RASAL2: variants seen among roughly 807,000 people sequenced by gnomAD.
RASAL2 encodes the protein RAS protein activator like 2.
RASAL2 carries 58 observed loss-of-function variants against 128.9 expected under a neutral mutation model. The ratio of observed to expected loss-of-function variants is 0.45; its 90% CI spans 0.36 to 0.56. RASAL2 has a LOEUF of 0.56. Among genes scored for constraint, RASAL2 ranks in the 20% least tolerant of loss-of-function variants. The pLI, the probability that RASAL2 is intolerant of heterozygous loss-of-function variation, is 0.00. For synonymous variants in RASAL2, 561 were observed against 580.8 expected (o/e 0.97, Z 0.49); for missense variants, 1,360 against 1,601.6 (o/e 0.85, Z 2.57).
intron 1 of RASAL2, among the ~76,000 whole-genome samples, chr1:178,160,587 A>T (rs1202329608): frequency 6.6e-6 from 1 of 152,228 alleles, no homozygotes; most frequent in African/African-American, 2.4e-5. Flanking sequence ...GTGAGCCGAG[A>T]TCGCACCACT....
chr1:178,458,257 CA>C lies in RASAL2; in HGVS notation c.2966del (p.His989ProfsTer31). 1 of 1,614,248 alleles carries C rather than the reference CA, an allele frequency of 6.2e-7. No homozygotes were observed. Among genetic ancestry groups the C allele is most frequent in the Non-Finnish European group, 8.5e-7 (1 of 1,180,046 alleles). On this transcript the variant is annotated frameshift_variant, in exon 14 of 18. Coordinates refer to ENST00000367649, the MANE Select transcript of RASAL2 (RefSeq NM_170692.4). LOFTEE classifies it high-confidence loss of function. ...STQSEDFSRR[H>X]TVPDRHIPLA... ...TCAGAGTGAGGACTTCTCCAGGCGG[CA>C]CACGGTGCCAGATAGACACATACCT...
At chr1:178,409,932 G>C (rs983338914) in intron 4 of RASAL2, among the ~76,000 whole-genome samples, 2 of 152,166 alleles carry the variant, frequency 1.3e-5, no homozygotes, top group African/African-American at 4.8e-5. Context: ...GTTTCATCCG[G>C]TACAGCTATG....
At chr1:178,317,144 A>T (rs1423610132) in intron 3 of RASAL2, among the ~76,000 whole-genome samples, 1 of 129,680 alleles carries the variant, frequency 7.7e-6, no homozygotes, top group East Asian at 2.0e-4. Flanking sequence ...GATGAAGCCC[A>T]CTTGATCATG....
intron 3 of RASAL2, among the ~76,000 whole-genome samples, chr1:178,338,537 A>G (rs1669707551): frequency 1.3e-5 from 2 of 152,206 alleles, no homozygotes; most frequent in African/African-American, 2.4e-5. Context: ...TACATTATCT[A>G]CATTCTTCAA....
At chr1:178,457,356 T>C (rs1178983842) in intron 13 of RASAL2, among the ~76,000 whole-genome samples, 1 of 152,220 alleles carries the variant, frequency 6.6e-6, no homozygotes, top group Non-Finnish European at 1.5e-5. Context: ...ACTTCTTCTC[T>C]TGAAGGTTTA....
intron 3 of RASAL2, among the ~76,000 whole-genome samples, chr1:178,339,638 A>T (rs1236314219): frequency 6.6e-6 from 1 of 152,136 alleles, no homozygotes; most frequent in Non-Finnish European, 1.5e-5. Flanking sequence ...TTCATTTTGG[A>T]TAGGTGAGGC....
rs182791333 is a variant in RASAL2 at position 178,418,361 on chromosome 1, C to A, written c.565-2150C>A. On this transcript the variant is annotated intron_variant, in intron 4 of 17. Transcript: ENST00000367649. Reference sequence around the variant, plus strand: ...TAAGGAAAAGAAAATATACTATTTACTATTCATTAGGTGGAAGTGAATCAT... The same window carrying A: ...TAAGGAAAAGAAAATATACTATTTAATATTCATTAGGTGGAAGTGAATCAT... Among the ~76,000 whole-genome samples, 640 of 152,250 alleles carry A rather than the reference C, an allele frequency of 4.2e-3. 6 individuals carry two copies. Among genetic ancestry groups the A allele is most frequent in the Non-Finnish European group, 3.9e-3 (266 of 68,012 alleles).
intron 1 of RASAL2, among the ~76,000 whole-genome samples, chr1:178,276,485 G>A (rs896362835): frequency 2.0e-5 from 3 of 151,806 alleles, no homozygotes; most frequent in Non-Finnish European, 2.9e-5. Context: ...GCAGTATATT[G>A]TGGACTACTC....
At chr1:178,380,684 C>A (rs888886741) in intron 3 of RASAL2, among the ~76,000 whole-genome samples, 2 of 152,084 alleles carry the variant, frequency 1.3e-5, no homozygotes, top group African/African-American at 2.4e-5. Context: ...ATAATCCCTG[C>A]AGACAAGCAA....
At chr1:178,277,840 TAG>T (rs1666598162) in intron 1 of RASAL2, among the ~76,000 whole-genome samples, 1 of 152,182 alleles carries the variant, frequency 6.6e-6, no homozygotes, top group African/African-American at 2.4e-5. Flanking sequence ...AATGAAACAT[TAG>T]AGTTTGTATT....
chr1:178,300,027 T>C lies in RASAL2; in HGVS notation c.366T>C (p.Asp122=). 1 of 1,614,012 alleles carries C rather than the reference T, an allele frequency of 6.2e-7. No individual in the cohort carries two copies. Among genetic ancestry groups the C allele is most frequent in the Non-Finnish European group, 8.5e-7 (1 of 1,179,946 alleles). ...PVEGGQEQQT[D]STKGRCLRRT... ...AAGGGGGACAGGAGCAGCAGACAGA[T>C]TCCACCAAAGGGCGATGCCTGAGGA... The change falls in exon 3 of 18, where the codon GAT becomes GAC. Residue 122 remains aspartate, a synonymous_variant. Transcript: ENST00000367649.
chr1:178,473,953 C>T lies in RASAL2; in HGVS notation c.*714C>T, dbSNP rs1413982508. ...GAACTCCTGTCAATATGTTTATTTCCTCTGTCTACAGCAGATGGGAGTCTT... is the reference window on the plus strand; with the variant it reads ...GAACTCCTGTCAATATGTTTATTTCTTCTGTCTACAGCAGATGGGAGTCTT... On this transcript the variant is annotated 3_prime_UTR_variant, in exon 18 of 18. Coordinates refer to ENST00000367649, the MANE Select transcript of RASAL2 (RefSeq NM_170692.4). 4.6e-5 allele frequency: 7 copies of T among 152,434 alleles called. No individual in the cohort carries two copies. In the East Asian group the frequency reaches 1.3e-3, roughly 29 times the overall value. The allele number at this position is 152,434 out of a possible 1,614,324, so 9.4% of individuals were successfully genotyped here.
At chr1:178,145,057 T>C (rs1372548512) in intron 1 of RASAL2, among the ~76,000 whole-genome samples, 4 of 152,200 alleles carry the variant, frequency 2.6e-5, no homozygotes, top group Non-Finnish European at 5.9e-5. Flanking sequence ...TGTTGTTTTT[T>C]CATGTCAAAA....
intron 11 of RASAL2, among the ~76,000 whole-genome samples, chr1:178,454,083 T>C (rs1677585501): frequency 6.6e-6 from 1 of 150,982 alleles, no homozygotes; most frequent in East Asian, 1.9e-4. Context: ...AAGAAAAAAA[T>C]GTGTAATATA....
chr1:178,358,402 T>C (rs866775356), intron 3 of RASAL2, among the ~76,000 whole-genome samples: 19 of 152,048 alleles, frequency 1.2e-4, no homozygotes, highest in Non-Finnish European at 2.2e-4. Flanking sequence ...TGAGAAATGA[T>C]ATTCACAAGA....
chr1:178,185,359 A>T (rs1317129786), intron 1 of RASAL2, among the ~76,000 whole-genome samples: 1 of 152,004 alleles, frequency 6.6e-6, no homozygotes, highest in Non-Finnish European at 1.5e-5. Flanking sequence ...GATGCTGAAG[A>T]GGAATGATGA....
intron 3 of RASAL2, among the ~76,000 whole-genome samples, chr1:178,347,775 C>T (rs1237368795): frequency 1.3e-5 from 2 of 152,176 alleles, no homozygotes; most frequent in Non-Finnish European, 2.9e-5. Context: ...GAACAATGCT[C>T]AGTGACCCAG....
At chr1:178,154,799 A>G (rs1661028127) in intron 1 of RASAL2, among the ~76,000 whole-genome samples, 1 of 151,358 alleles carries the variant, frequency 6.6e-6, no homozygotes, top group African/African-American at 2.4e-5. Context: ...GATATCAGCC[A>G]TTGGTATAAT....
intron 3 of RASAL2, among the ~76,000 whole-genome samples, chr1:178,375,484 G>A (rs1365893530): frequency 1.3e-5 from 2 of 152,148 alleles, no homozygotes; most frequent in African/African-American, 2.4e-5. Context: ...AGCTATTGCA[G>A]TAGTACAGGT....
Sources: allele counts gnomAD v4.1 joint callset (sites outside exome capture counted in the v4.1 genomes callset), GRCh38; gene constraint gnomAD v4.1.1; transcripts MANE v1.5; gene names NCBI Gene and HGNC (gene_info 2026-07-23, HGNC 2026-07-21).